XYLT1: variants seen among roughly 807,000 people sequenced by gnomAD.
XYLT1 encodes beta-D-xylosyltransferase 1.
Under a neutral mutation model 91.3 loss-of-function variants are expected in XYLT1, and 36 were observed. The ratio of observed to expected loss-of-function variants is 0.39; its 90% confidence interval spans 0.30 to 0.52. The LOEUF (loss-of-function observed/expected upper bound fraction) is 0.52. Among genes scored for constraint, XYLT1 ranks in the 20% least tolerant of loss-of-function variants. XYLT1 has a pLI of 0.68. For missense variants in XYLT1, 1,242 were observed against 1,284.5 expected (o/e 0.97, Z 0.51); for synonymous variants, 588 against 532.0 (o/e 1.11, Z -1.45).
intron 1 of XYLT1, among the ~76,000 whole-genome samples, chr16:17,376,497 C>T (rs1337292843): frequency 1.3e-5 from 2 of 152,148 alleles, no homozygotes; most frequent in African/African-American, 4.8e-5. Flanking sequence ...TCTGAAGGGC[C>T]TAAAACAGAT....
At chr16:17,145,087 A>G (rs559810082) in intron 6 of XYLT1, among the ~76,000 whole-genome samples, 98 of 152,170 alleles carry the variant, frequency 6.4e-4, no homozygotes, top group Non-Finnish European at 1.2e-3. Context: ...GGATTTACCA[A>G]TTCTAGATAT....
At chr16:17,342,017 AT>A (rs925851025) in intron 2 of XYLT1, among the ~76,000 whole-genome samples, 18 of 151,926 alleles carry the variant, frequency 1.2e-4, no homozygotes, top group African/African-American at 4.4e-4. Flanking sequence ...CACCAATCCC[AT>A]TTTCCAAGGC....
chr16:17,122,656 G>GGAAAAAC (rs1422821767), intron 10 of XYLT1, among the ~76,000 whole-genome samples: 3 of 152,160 alleles, frequency 2.0e-5, no homozygotes, highest in Non-Finnish European at 4.4e-5. Context: ...TTAAGTCTTT[G>GGAAAAAC]CCTAAGCCAG....
At chr16:17,464,031 A>C (rs1399971268) in intron 1 of XYLT1, among the ~76,000 whole-genome samples, 1 of 152,232 alleles carries the variant, frequency 6.6e-6, no homozygotes, top group East Asian at 1.9e-4. Flanking sequence ...GGAGCTAAAA[A>C]AAGTAGATGA....
chr16:17,344,777 T>C (rs2035120403), intron 2 of XYLT1, among the ~76,000 whole-genome samples: 1 of 151,958 alleles, frequency 6.6e-6, no homozygotes, highest in South Asian at 2.1e-4. Context: ...CTTGGCTCAC[T>C]GCAACCTCTG....
intron 3 of XYLT1, among the ~76,000 whole-genome samples, chr16:17,257,849 T>G (rs889667036): frequency 6.6e-6 from 1 of 152,182 alleles, no homozygotes; most frequent in South Asian, 2.1e-4. Flanking sequence ...CCTGGTGCGG[T>G]GTCTAGCACA....
intron 1 of XYLT1, among the ~76,000 whole-genome samples, chr16:17,435,495 G>A (rs2036445262): frequency 6.6e-6 from 1 of 152,158 alleles, no homozygotes; most frequent in Non-Finnish European, 1.5e-5. Flanking sequence ...ACGAAGAAGT[G>A]TACGTGATGA....
At chr16:17,254,996 CTTT>C (rs34553607) in intron 3 of XYLT1, among the ~76,000 whole-genome samples, 4 of 113,342 alleles carry the variant, frequency 3.5e-5, no homozygotes, top group Non-Finnish European at 5.3e-5. Flanking sequence ...TTTTCTTTTT[CTTT>C]TTTTTTTTTT....
At chr16:17,130,234 A>G (rs1000334704) in intron 9 of XYLT1, among the ~76,000 whole-genome samples, 1 of 152,256 alleles carries the variant, frequency 6.6e-6, no homozygotes, top group African/African-American at 2.4e-5. Flanking sequence ...ATACTGGGAA[A>G]ACTGTCCAGC....
At chr16:17,329,943 C>CTAG (rs1238284790) in intron 2 of XYLT1, among the ~76,000 whole-genome samples, 2 of 152,194 alleles carry the variant, frequency 1.3e-5, no homozygotes, top group African/African-American at 4.8e-5. Context: ...TGTTGAGCGT[C>CTAG]TAACACCTAG....
chr16:17,156,459 C>G (rs2031410556), intron 6 of XYLT1, among the ~76,000 whole-genome samples: 1 of 152,232 alleles, frequency 6.6e-6, no homozygotes, highest in Non-Finnish European at 1.5e-5. Flanking sequence ...GTCTGAGCCA[C>G]TTCTGACAAT....
intron 5 of XYLT1, among the ~76,000 whole-genome samples, chr16:17,191,659 C>G (rs1450362624): frequency 6.6e-6 from 1 of 152,188 alleles, no homozygotes; most frequent in Non-Finnish European, 1.5e-5. Context: ...AAACTCTGGT[C>G]TTCGGGAGAC....
In XYLT1 at chr16:17,438,249, C is replaced by T. The variant is rs965522518; in HGVS notation, c.363+32185G>A. Among the ~76,000 whole-genome samples, 8 of 152,286 alleles carry T rather than the reference C, an allele frequency of 5.3e-5. No homozygotes were observed. In the East Asian group the frequency reaches 1.5e-3, roughly 29 times the overall value. On this transcript the variant is annotated intron_variant, in intron 1 of 11. Transcript: ENST00000261381. ...AGGAAGAAGATGATGATGTTAATAGCGCTCTCCCCTAACTTTGGTTTGGTG... is the reference window on the plus strand; with the variant it reads ...AGGAAGAAGATGATGATGTTAATAGTGCTCTCCCCTAACTTTGGTTTGGTG...
At chr16:17,416,640 A>G (rs930323302) in intron 1 of XYLT1, among the ~76,000 whole-genome samples, 8 of 152,154 alleles carry the variant, frequency 5.3e-5, no homozygotes, top group African/African-American at 1.7e-4. Context: ...CTGGCATGTC[A>G]ATGTCAACAG....
At chr16:17,379,757 T>TCACACACACACACACACA (rs1240413974) in intron 1 of XYLT1, among the ~76,000 whole-genome samples, 2 of 129,924 alleles carry the variant, frequency 1.5e-5, no homozygotes, top group African/African-American at 6.8e-5. Flanking sequence ...TCTCTCTCTC[T>TCACACACACACACACACA]CTCTCTCACA....
intron 1 of XYLT1, among the ~76,000 whole-genome samples, chr16:17,462,211 TG>T (rs2036833013): frequency 6.6e-6 from 1 of 152,220 alleles, no homozygotes; most frequent in Admixed American, 6.5e-5. Context: ...GTCACCTGGC[TG>T]GGACAAACTA....
chr16:17,207,052 CTTTTTT>C (rs1211378641), intron 3 of XYLT1, among the ~76,000 whole-genome samples: 5 of 121,086 alleles, frequency 4.1e-5, no homozygotes, highest in African/African-American at 1.6e-4. Flanking sequence ...TCTTTTCTTT[CTTTTTT>C]TTTTTTTTTT....
At chr16:17,455,182 C>T (rs1044515033) in intron 1 of XYLT1, among the ~76,000 whole-genome samples, 13 of 152,014 alleles carry the variant, frequency 8.6e-5, no homozygotes, top group South Asian at 2.1e-4. Context: ...TCAGAGTGGA[C>T]GTGGCCGGGA....
At chr16:17,112,168 TAC>T (rs1966843012) in intron 11 of XYLT1, among the ~76,000 whole-genome samples, 1 of 152,204 alleles carries the variant, frequency 6.6e-6, no homozygotes, top group African/African-American at 2.4e-5. Flanking sequence ...GAAACGCTAT[TAC>T]AATATTAGCT....
Sources: gnomAD v4.1 joint callset for allele counts (sites outside exome capture counted in the v4.1 genomes callset) on GRCh38, gnomAD v4.1.1 for gene constraint, MANE v1.5 for transcripts, NCBI Gene and HGNC (gene_info 2026-07-23, HGNC 2026-07-21) for gene names.